DYTN: variants seen among roughly 807,000 people sequenced by gnomAD.
DYTN encodes dystrotelin.
DYTN carries 75 observed loss-of-function variants against 69.6 expected under a neutral mutation model. The observed-to-expected ratio is 1.08, with a 90% CI of 0.89 to 1.31. The LOEUF (loss-of-function observed/expected upper bound fraction) is 1.31, where lower values mean the gene tolerates loss of function less well. Ranked by LOEUF, DYTN falls within the 50% of genes most tolerant of loss-of-function variation. The probability of loss-of-function intolerance (pLI) is 0.00; values close to 1 mark genes in which losing one functional copy is unlikely to be tolerated. For synonymous variants in DYTN, 252 were observed against 249.1 expected (o/e 1.01, Z -0.11); for missense variants, 726 against 688.4 (o/e 1.05, Z -0.61).
intron 9 of DYTN, among the ~76,000 whole-genome samples, chr2:206,676,394 C>T (rs558753178): frequency 1.3e-5 from 2 of 151,666 alleles, no homozygotes; most frequent in Non-Finnish European, 2.9e-5. Flanking sequence ...CACATGGACA[C>T]AGGGAGGAGA....
intron 9 of DYTN, among the ~76,000 whole-genome samples, chr2:206,676,772 T>C (rs1057294890): frequency 4.6e-5 from 7 of 152,128 alleles, no homozygotes; most frequent in Non-Finnish European, 8.8e-5. Flanking sequence ...TTAGATCTTG[T>C]AGTGTTCTTA....
chr2:206,675,934 A>T (rs1699681617), intron 9 of DYTN, among the ~76,000 whole-genome samples: 1 of 152,210 alleles, frequency 6.6e-6, no homozygotes, highest in Admixed American at 6.5e-5. Flanking sequence ...GAAACAACAG[A>T]TGCTGGTGAG....
intron 9 of DYTN, among the ~76,000 whole-genome samples, chr2:206,666,985 C>T (rs948137471): frequency 1.3e-5 from 2 of 152,028 alleles, no homozygotes; most frequent in African/African-American, 2.4e-5. Flanking sequence ...TTAGAGGTTA[C>T]AGTGAGCTAT....
Position 206,665,855 on chromosome 2 carries a change from C to T in DYTN, c.1140+15G>A, listed in dbSNP as rs1699564164. The T allele has an allele frequency of 1.2e-6, 2 of 1,612,112 alleles. No individual in the cohort carries two copies. The highest frequency in any genetic ancestry group is 2.2e-5 in the East Asian group (1 of 44,840). On this transcript the variant is annotated intron_variant, in intron 10 of 11. Transcript: ENST00000452335. ...CCAGGCAGTCCAGATGGCCAGTGTC[C>T]CTCACATTTTATACCTGTAGGTCCC... is the stretch of plus-strand genomic sequence containing the variant.
At chr2:206,708,304 A>G (rs545644660) in intron 2 of DYTN, among the ~76,000 whole-genome samples, 3 of 152,284 alleles carry the variant, frequency 2.0e-5, no homozygotes, top group Admixed American at 1.3e-4. Context: ...ATAAACAGCC[A>G]CTTGCACCAT....
At position 206,651,695 on chromosome 2, in the gene DYTN, C is replaced by T; in HGVS notation, c.*123G>A. On this transcript the variant is annotated 3_prime_UTR_variant, in exon 12 of 12. Coordinates refer to ENST00000452335, the MANE Select transcript of DYTN (RefSeq NM_001093730.1). The stretch of plus-strand genomic sequence containing the variant: ...TAGGGAGGGAGATCAAAAAACAAAA[C>T]CTGTTTTCTTCATAGTTCACACTAA... 6.8e-6 allele frequency: 6 copies of T among 881,780 alleles called. No individual in the cohort carries two copies. The highest frequency in any genetic ancestry group is 2.7e-5 in the Admixed American group (1 of 36,526). 54.6% of individuals were successfully genotyped at this position (881,780 alleles called of 1,614,324 possible).
At chr2:206,718,129 T>C in intron 1 of DYTN, 132 bp downstream of exon 1, 1 of 874,674 alleles carries the variant, frequency 1.1e-6, no homozygotes, top group Non-Finnish European at 1.7e-6. Flanking sequence ...TTTAATCAAA[T>C]AACAGTTTCT....
chr2:206,698,929 C>T (rs2105899056), intron 7 of DYTN, among the ~76,000 whole-genome samples: 1 of 152,326 alleles, frequency 6.6e-6, no homozygotes, highest in Admixed American at 6.5e-5. Context: ...ATTTAGGATG[C>T]CAGCCTCTGC....
In DYTN at chr2:206,665,921, G is replaced by T. The variant is rs939900905; in HGVS notation, c.1089C>A (p.Thr363=). Residue 363 remains threonine (T), a synonymous_variant, in exon 10 of 12, where the codon ACC becomes ACA. Transcript: ENST00000452335. ...RFETRIHKLK[T]NQDSLWTKLQ... ...GCTTGGTCCATAGACTATCCTGGTT[G>T]GTTTTGAGTTTGTGAATCCTTGTTT... is the stretch of plus-strand genomic sequence containing the variant. 11 of 1,613,894 alleles carry T rather than the reference G, an allele frequency of 6.8e-6. No individual in the cohort carries two copies. Among genetic ancestry groups the T allele is most frequent in the Non-Finnish European group, 9.3e-6 (11 of 1,179,854 alleles).
chr2:206,697,423 T>C (rs1699931500), intron 7 of DYTN, among the ~76,000 whole-genome samples: 1 of 152,192 alleles, frequency 6.6e-6, no homozygotes, highest in Non-Finnish European at 1.5e-5. Context: ...AGGCCAAATC[T>C]TTGTCCTCTT....
intron 1 of DYTN, among the ~76,000 whole-genome samples, chr2:206,714,703 T>C (rs1345374957): frequency 2.0e-5 from 3 of 152,164 alleles, no homozygotes; most frequent in Admixed American, 2.0e-4. Context: ...AATGAATGGC[T>C]GCATGGTGTA....
intron 9 of DYTN, among the ~76,000 whole-genome samples, chr2:206,689,497 G>A (rs1364371157): frequency 6.6e-6 from 1 of 152,092 alleles, no homozygotes; most frequent in Non-Finnish European, 1.5e-5. Flanking sequence ...TTATTTTGGG[G>A]AACAACTCTA....
At position 206,718,379 on chromosome 2, in the gene DYTN, AGGGG is replaced by A; in HGVS notation, c.-104_-101del. On this transcript the variant is annotated 5_prime_UTR_variant, in exon 1 of 12. Transcript: ENST00000452335. ...GGTTTTGCAGCAGAGGAATGAGGACAGGGGAACAAAAAGGCAACTAAACAAATCA... is the reference window on the plus strand; with the variant it reads ...GGTTTTGCAGCAGAGGAATGAGGACAAACAAAAAGGCAACTAAACAAATCA... The A allele has an allele frequency of 7.5e-7, 1 of 1,330,830 alleles. No homozygotes were observed. The highest frequency in any genetic ancestry group is 1.0e-6 in the Non-Finnish European group (1 of 973,236). The allele number at this position is 1,330,830 out of a possible 1,614,324, so 82.4% of individuals were successfully genotyped here.
rs1048979801 is a variant in DYTN, at chr2:206,681,481, G to T, written c.980+11694C>A. ...TTCAAAGGGAATGCTTCCAGCTTTT[G>T]CCCATTCAGTATGATATTGTCTGTG... On this transcript the variant is annotated intron_variant, in intron 9 of 11. Coordinates refer to ENST00000452335, the MANE Select transcript of DYTN (RefSeq NM_001093730.1). 4.6e-5 allele frequency among the ~76,000 whole-genome samples: 7 copies of T among 152,230 alleles called. No individual in the cohort carries two copies. The South Asian group carries it at 1.5e-3, about 32-fold the overall frequency.
intron 9 of DYTN, among the ~76,000 whole-genome samples, chr2:206,689,625 A>G (rs1013233592): frequency 7.9e-5 from 12 of 152,164 alleles, no homozygotes; most frequent in Non-Finnish European, 1.6e-4. Context: ...GGGAGTAGAG[A>G]GGAGAGGTTA....
At chr2:206,662,294 C>A (rs1454607672) in intron 11 of DYTN, among the ~76,000 whole-genome samples, 1 of 152,148 alleles carries the variant, frequency 6.6e-6, no homozygotes, top group African/African-American at 2.4e-5. Flanking sequence ...ACTTACATTG[C>A]ATTTATCAGA....
At chr2:206,698,733 A>G (rs749682914) in intron 7 of DYTN, among the ~76,000 whole-genome samples, 40 of 152,218 alleles carry the variant, frequency 2.6e-4, no homozygotes, top group Non-Finnish European at 4.4e-5. Flanking sequence ...CCTCAAAGCT[A>G]TGGAAATATT....
At chr2:206,716,299 C>T (rs1433456675) in intron 1 of DYTN, among the ~76,000 whole-genome samples, 1 of 152,092 alleles carries the variant, frequency 6.6e-6, no homozygotes, top group African/African-American at 2.4e-5. Context: ...GAGTGCTGAA[C>T]CAGGCCAGAG....
chr2:206,702,517 A>G (rs1699985769), intron 5 of DYTN, among the ~76,000 whole-genome samples: 1 of 152,252 alleles, frequency 6.6e-6, no homozygotes, highest in South Asian at 2.1e-4. Context: ...TCCTGTTGCC[A>G]GTCGAATGTA....
Sources: allele counts gnomAD v4.1 joint callset (sites outside exome capture counted in the v4.1 genomes callset), GRCh38; gene constraint gnomAD v4.1.1; transcripts MANE v1.5; gene names NCBI Gene and HGNC (gene_info 2026-07-23, HGNC 2026-07-21).